The following SRFBP1 variants were observed in gnomAD, a reference collection of about 807,000 sequenced individuals.
The protein encoded by SRFBP1 is serum response factor-binding protein 1.
In SRFBP1, 47 loss-of-function variants were observed where a neutral mutation model predicts 45.5. That is an observed-to-expected ratio of 1.03 (90% CI 0.82 to 1.32). The LOEUF is 1.32. Among genes scored for constraint, SRFBP1 ranks in the 40% most tolerant of loss-of-function variants. The pLI is 0.00. For synonymous variants in SRFBP1, 203 were observed against 166.3 expected (o/e 1.22, Z -1.70); for missense variants, 621 against 484.6 (o/e 1.28, Z -2.64).
chr5:122,002,481 C>G (rs551200608), intron 4 of SRFBP1, among the ~76,000 whole-genome samples: 6 of 152,228 alleles, frequency 3.9e-5, no homozygotes, highest in Non-Finnish European at 8.8e-5. Context: ...TTACCAATGA[C>G]TTTTATTTGA....
At chr5:121,965,513 T>C (rs566024523) in intron 1 of SRFBP1, among the ~76,000 whole-genome samples, 1 of 152,332 alleles carries the variant, frequency 6.6e-6, no homozygotes, top group South Asian at 2.1e-4. Context: ...TGTGTGGTGT[T>C]GTTTCTGAGG....
chr5:121,986,315 GATC>G (rs1752516189), intron 3 of SRFBP1, among the ~76,000 whole-genome samples: 1 of 152,010 alleles, frequency 6.6e-6, no homozygotes, highest in Non-Finnish European at 1.5e-5. Flanking sequence ...GCAGCGTGGA[GATC>G]ATCACGGGCT....
intron 4 of SRFBP1, 136 bp from the exon 5 acceptor site, chr5:122,019,124 T>C: frequency 1.4e-6 from 1 of 706,340 alleles, no homozygotes; most frequent in Non-Finnish European, 2.3e-6. Context: ...TACAGATATC[T>C]TATCTAAGGA....
At chr5:122,046,058 T>A (rs535911499) in intron 2 of SRFBP1, among the ~76,000 whole-genome samples, 27 of 152,254 alleles carry the variant, frequency 1.8e-4, no homozygotes, top group Admixed American at 2.6e-4. Context: ...AGGATTTTTT[T>A]AATTATACTT....
intron 3 of SRFBP1, among the ~76,000 whole-genome samples, chr5:121,987,404 A>G (rs959281730): frequency 9.2e-5 from 14 of 152,330 alleles, no homozygotes; most frequent in Admixed American, 2.6e-4. Context: ...ATGATAGAGT[A>G]TAACTTTATT....
At chr5:122,072,133 T>C (rs1754469608) in intron 2 of SRFBP1, among the ~76,000 whole-genome samples, 1 of 152,224 alleles carries the variant, frequency 6.6e-6, no homozygotes, top group African/African-American at 2.4e-5. Flanking sequence ...TTGTAAAGGA[T>C]TCACTGGATT....
rs547610719 is a variant in SRFBP1, at chr5:122,016,889, GT to G, written c.271-2368del. ...TAATAGTCAGAATAGATGCGTATCA[GT>G]TTCCTAAGGCTGCCATAACAAAGTA... On this transcript the variant is annotated intron_variant, in intron 4 of 7. Coordinates refer to ENST00000339397, the MANE Select transcript of SRFBP1 (RefSeq NM_152546.3). Among the ~76,000 whole-genome samples, 765 of 152,236 alleles carry G rather than the reference GT, an allele frequency of 5.0e-3. 1 individual carries two copies. The highest frequency in any genetic ancestry group is 7.8e-3 in the Non-Finnish European group (532 of 68,014).
At chr5:122,068,434 C>A (rs1754360262) in intron 2 of SRFBP1, among the ~76,000 whole-genome samples, 1 of 152,062 alleles carries the variant, frequency 6.6e-6, no homozygotes, top group Non-Finnish European at 1.5e-5. Flanking sequence ...TCTGATCTCA[C>A]CACATTTTAT....
In SRFBP1 at chr5:122,070,381, G is replaced by GT. The variant is rs3835066; in HGVS notation, n.312-4931dup. On this transcript the variant is annotated intron_variant and non_coding_transcript_variant, in intron 2 of 2. Coordinates refer to the SRFBP1 transcript ENST00000504881. ...GATTAGATTAGATTGTTTATAAATA[G>GT]TTTGAGGATGTATAATTGCTTCCAA... The GT allele has an allele frequency of 0.23, 155,387 of 666,188 alleles. 21,114 individuals are homozygous for GT. Among genetic ancestry groups the GT allele is most frequent in the Non-Finnish European group, 0.26 (99,678 of 378,980 alleles). 41.3% of individuals were successfully genotyped at this position (666,188 alleles called of 1,614,324 possible). A position where few individuals can be genotyped will look rare whatever the true frequency, so the allele number is the denominator to read the frequency against.
At chr5:121,986,680 T>A (rs1580508178) in intron 3 of SRFBP1, among the ~76,000 whole-genome samples, 1 of 152,190 alleles carries the variant, frequency 6.6e-6, no homozygotes, top group East Asian at 1.9e-4. Context: ...ATCCCATTTG[T>A]CCTTTTCTGG....
intron 2 of SRFBP1, among the ~76,000 whole-genome samples, chr5:122,051,036 T>A (rs1753964749): frequency 6.6e-6 from 1 of 152,230 alleles, no homozygotes; most frequent in Non-Finnish European, 1.5e-5. Flanking sequence ...AGCAGGTTAT[T>A]TATTTCTAGG....
chr5:122,054,832 T>C (rs1338122532), intron 2 of SRFBP1, among the ~76,000 whole-genome samples: 1 of 152,210 alleles, frequency 6.6e-6, no homozygotes. Context: ...TATAAAAATA[T>C]GAAGAAATAG....
intron 4 of SRFBP1, among the ~76,000 whole-genome samples, chr5:121,999,334 A>T (rs1390266632): frequency 6.6e-6 from 1 of 152,042 alleles, no homozygotes; most frequent in Admixed American, 6.6e-5. Flanking sequence ...ATGAACATAA[A>T]CTTTGTGATT....
At chr5:122,072,305 A>G (rs529251793) in intron 2 of SRFBP1, among the ~76,000 whole-genome samples, 34 of 152,360 alleles carry the variant, frequency 2.2e-4, no homozygotes, top group Non-Finnish European at 4.1e-4. Context: ...AAAACGAGTT[A>G]CTAAGGCAAA....
intron 4 of SRFBP1, among the ~76,000 whole-genome samples, chr5:122,005,270 AC>A (rs1287320661): frequency 6.6e-6 from 1 of 152,100 alleles, no homozygotes; most frequent in South Asian, 2.1e-4. Flanking sequence ...TTATTGTATT[AC>A]AATCTGTCTC....
chr5:122,015,586 A>G (rs1181941345), intron 4 of SRFBP1, among the ~76,000 whole-genome samples: 3 of 152,238 alleles, frequency 2.0e-5, no homozygotes, highest in African/African-American at 7.2e-5. Flanking sequence ...TAGGCAATAT[A>G]TAAATGAATG....
intron 4 of SRFBP1, among the ~76,000 whole-genome samples, chr5:122,008,491 A>G (rs1753023053): frequency 6.6e-6 from 1 of 152,094 alleles, no homozygotes; most frequent in Non-Finnish European, 1.5e-5. Flanking sequence ...ATTTCTCTCC[A>G]TGGTTTACTG....
chr5:122,004,133 G>T (rs1324387235), intron 4 of SRFBP1, among the ~76,000 whole-genome samples: 1 of 152,088 alleles, frequency 6.6e-6, no homozygotes, highest in Non-Finnish European at 1.5e-5. Context: ...CTACAGTCAT[G>T]CGCCACCATG....
chr5:122,057,459 CTGTGTGTGTGTGTG>C (rs3028227), intron 2 of SRFBP1, among the ~76,000 whole-genome samples: 6 of 146,430 alleles, frequency 4.1e-5, no homozygotes, highest in South Asian at 2.2e-4. Flanking sequence ...GTTCTCAGTT[CTGTGTGTGTGTGTG>C]TGTGTGTGTG....
Sources: gnomAD v4.1 joint callset for allele counts (sites outside exome capture counted in the v4.1 genomes callset) on GRCh38, gnomAD v4.1.1 for gene constraint, MANE v1.5 for transcripts, NCBI Gene and HGNC (gene_info 2026-07-23, HGNC 2026-07-21) for gene names.